Variants in SLC9A4 observed in about 807,000 individuals in gnomAD.
SLC9A4 encodes sodium/hydrogen exchanger 4.
In SLC9A4, 63 loss-of-function variants were observed where a neutral mutation model predicts 67.4. That is an observed-to-expected ratio of 0.93 (90% confidence interval 0.76 to 1.15). SLC9A4 has a LOEUF of 1.15. Ranked by LOEUF, SLC9A4 falls within the 50% of genes most tolerant of loss-of-function variation. The pLI, the probability that SLC9A4 is intolerant of heterozygous loss-of-function variation, is 0.00. For synonymous variants in SLC9A4, 393 were observed against 367.2 expected (o/e 1.07, Z -0.80); for missense variants, 1,089 against 987.7 (o/e 1.10, Z -1.38).
chr2:102,503,559 G>T lies in SLC9A4; in HGVS notation c.832G>T (p.Val278Leu), dbSNP rs1279969993. ...ATTCATCGTTGTGGGGCTTGGAGGG[G>T]TATTGTTTGGCATCGTTTTTGGATT... ...ARFIVVGLGG[V>L]LFGIVFGFIS... Residue 278 changes from valine (V) to leucine (L), a missense_variant, in exon 3 of 12, where the codon GTA becomes TTA. Physicochemically the swap from Val to Leu is conservative, Grantham distance 32. Coordinates refer to ENST00000295269, the MANE Select transcript of SLC9A4 (RefSeq NM_001011552.4). The T allele has an allele frequency of 4.3e-6, 7 of 1,613,990 alleles. No individual in the cohort carries two copies. Among genetic ancestry groups the T allele is most frequent in the Non-Finnish European group, 5.1e-6 (6 of 1,180,044 alleles).
intron 3 of SLC9A4, among the ~76,000 whole-genome samples, chr2:102,504,677 T>C (rs957496684): frequency 2.0e-5 from 3 of 152,246 alleles, no homozygotes; most frequent in Non-Finnish European, 2.9e-5. Flanking sequence ...TTAAATGTGA[T>C]AGTGTAAACT....
intron 2 of SLC9A4, among the ~76,000 whole-genome samples, chr2:102,493,697 A>T (rs1158638881): frequency 6.6e-6 from 1 of 151,576 alleles, no homozygotes; most frequent in Non-Finnish European, 1.5e-5. Context: ...TCATCCACTC[A>T]ATTATCCTTT....
In SLC9A4 at chr2:102,513,942, G is replaced by C. The variant is rs543891444; in HGVS notation, c.1560-148G>C. The C allele has an allele frequency of 1.4e-5, 15 of 1,106,780 alleles. No homozygotes were observed. In the Admixed American group the frequency reaches 4.0e-4, roughly 30 times the overall value. The allele number at this position is 1,106,780 out of a possible 1,614,324, so 68.6% of individuals were successfully genotyped here. On this transcript the variant is annotated intron_variant, in intron 7 of 11. Coordinates refer to ENST00000295269, the MANE Select transcript of SLC9A4 (RefSeq NM_001011552.4). ...AATGCTATGAATTTTTTTAAAAAAT[G>C]TGTTCAAATGCTATGAATTCCAGGC...
rs572799472 is a variant in SLC9A4 at position 102,478,327 on chromosome 2, G to A, written c.257-512G>A. 3.9e-5 allele frequency among the ~76,000 whole-genome samples: 6 copies of A among 152,322 alleles called. No homozygotes were observed. In the East Asian group the frequency reaches 9.6e-4, roughly 24 times the overall value. On this transcript the variant is annotated intron_variant, in intron 1 of 11. Coordinates refer to ENST00000295269, the MANE Select transcript of SLC9A4 (RefSeq NM_001011552.4). ...CATGAAGGGTCACTCATGAGAATGC[G>A]ACCTGATTTCCCTCTTCAGTGGCTG...
At chr2:102,483,658 C>T (rs957744108) in intron 2 of SLC9A4, among the ~76,000 whole-genome samples, 14 of 151,762 alleles carry the variant, frequency 9.2e-5, no homozygotes, top group Non-Finnish European at 2.1e-4. Context: ...AACACACATA[C>T]GCTTAATGGT....
Position 102,479,002 on chromosome 2 carries a change from G to A in SLC9A4, c.420G>A (p.Leu140=), listed in dbSNP as rs73944356. The change falls in exon 2 of 12, where the codon CTG becomes CTA. Residue 140 remains leucine, a synonymous_variant. Coordinates refer to ENST00000295269, the MANE Select transcript of SLC9A4 (RefSeq NM_001011552.4). ...YFLYLLPPIV[L]EGGYFMPTRP... is the part of the protein sequence containing the mutation. Reference sequence around the variant, plus strand: ...TGTATCTCCTGCCACCCATCGTTCTGGAGGGCGGCTACTTCATGCCCACCC... The same window carrying A: ...TGTATCTCCTGCCACCCATCGTTCTAGAGGGCGGCTACTTCATGCCCACCC... The A allele has an allele frequency of 6.8e-4, 1,094 of 1,614,194 alleles. 11 individuals carry two copies. The African/African-American group carries it at 0.013, about 19-fold the overall frequency.
rs748771906 is a variant in SLC9A4 at position 102,525,109 on chromosome 2, T to C, written c.1904T>C (p.Leu635Ser). ...KEILIRRQNT[L>S]RESMRKGHSL... ...ATTCTGATCCGCCGCCAGAACACCTTAAGGGAGAGCATGAGGAAAGGTCAC... is the reference window on the plus strand; with the variant it reads ...ATTCTGATCCGCCGCCAGAACACCTCAAGGGAGAGCATGAGGAAAGGTCAC... The change falls in exon 10 of 12, where the codon TTA (leucine) becomes TCA (serine). Residue 635 changes from leucine to serine, a missense_variant. By Grantham distance (145) the Leu-to-Ser change is moderately radical (BLOSUM62 -2). Coordinates refer to ENST00000295269, the MANE Select transcript of SLC9A4 (RefSeq NM_001011552.4). 1.2e-6 allele frequency: 2 copies of C among 1,613,970 alleles called. No homozygotes were observed. The highest frequency in any genetic ancestry group is 1.7e-6 in the Non-Finnish European group (2 of 1,179,944).
rs750462869 is a variant in SLC9A4 at position 102,532,722 on chromosome 2, C to G, written c.*34C>G. 3 of 1,580,062 alleles carry G rather than the reference C, an allele frequency of 1.9e-6. No individual in the cohort carries two copies. Among genetic ancestry groups the G allele is most frequent in the East Asian group, 2.2e-5 (1 of 44,554 alleles). The stretch of plus-strand genomic sequence containing the variant: ...TCCACAAGATTGTTTTGGTGTTTCT[C>G]AAGAGTCTGTCTTCCTATAACTGTG... On this transcript the variant is annotated 3_prime_UTR_variant, in exon 12 of 12. Transcript: ENST00000295269.
chr2:102,474,073 G>A, intron 1 of SLC9A4, 58 bp downstream of exon 1: 3 of 1,565,730 alleles, frequency 1.9e-6, no homozygotes, highest in Non-Finnish European at 2.6e-6. Flanking sequence ...TAGTGAATGT[G>A]AAAATGCCTT....
chr2:102,512,347 A>G (rs1685182141), intron 7 of SLC9A4, 74 bp downstream of exon 7: 3 of 1,534,172 alleles, frequency 2.0e-6, no homozygotes, highest in Non-Finnish European at 2.7e-6. Context: ...AAAATCAGAG[A>G]GAATTCAGGG....
intron 2 of SLC9A4, among the ~76,000 whole-genome samples, chr2:102,499,389 G>T (rs1684876482): frequency 6.6e-6 from 1 of 152,126 alleles, no homozygotes; most frequent in Non-Finnish European, 1.5e-5. Flanking sequence ...GTTTCCCTTT[G>T]CTCTTTTGTT....
rs202140998 is a variant in SLC9A4, at chr2:102,532,695, T to A, written c.*7T>A. 6.2e-7 allele frequency: 1 copy of A among 1,608,288 alleles called. No homozygotes were observed. The highest frequency in any genetic ancestry group is 8.5e-7 in the Non-Finnish European group (1 of 1,176,664). ...TTTGCTCCAAAAAAAATAGTGTTAT[T>A]GTCCACAAGATTGTTTTGGTGTTTC... On this transcript the variant is annotated 3_prime_UTR_variant, in exon 12 of 12. Transcript: ENST00000295269.
Position 102,473,972 on chromosome 2 carries a change from T to C in SLC9A4, c.213T>C (p.Tyr71=), listed in dbSNP as rs1427277401. The change falls in exon 1 of 12, where the codon TAT becomes TAC. Residue 71 remains tyrosine (Y), a synonymous_variant. Coordinates refer to ENST00000295269, the MANE Select transcript of SLC9A4 (RefSeq NM_001011552.4). ...ATTATGACTATGTGCAAATTCCTTA[T>C]GAGGTCACTCTCTGGATACTTCTAG... ...ELDYDYVQIP[Y]EVTLWILLAS... 1 of 1,613,956 alleles carries C rather than the reference T, an allele frequency of 6.2e-7. No homozygotes were observed. Among genetic ancestry groups the C allele is most frequent in the African/African-American group, 1.3e-5 (1 of 74,934 alleles).
chr2:102,486,989 T>C (rs892640340), intron 2 of SLC9A4, among the ~76,000 whole-genome samples: 17 of 152,142 alleles, frequency 1.1e-4, no homozygotes, highest in Non-Finnish European at 1.0e-4. Context: ...CCCTGCAAAG[T>C]CTCAGCAAGT....
intron 1 of SLC9A4, among the ~76,000 whole-genome samples, chr2:102,474,667 C>T (rs1436415902): frequency 6.6e-6 from 1 of 152,204 alleles, no homozygotes; most frequent in Non-Finnish European, 1.5e-5. Flanking sequence ...AAATTCCAAT[C>T]AAGGGATCTT....
intron 2 of SLC9A4, among the ~76,000 whole-genome samples, chr2:102,498,752 AT>A (rs1241026899): frequency 6.6e-6 from 1 of 152,056 alleles, no homozygotes; most frequent in Non-Finnish European, 1.5e-5. Context: ...CATATGTCAC[AT>A]TTTTTTTCAA....
intron 2 of SLC9A4, 31 bp downstream of exon 2, chr2:102,479,333 G>GGGGAGAT (rs1558658656): frequency 6.4e-7 from 1 of 1,568,480 alleles, no homozygotes; most frequent in South Asian, 1.2e-5. Context: ...CCGGCTTCCG[G>GGGGAGAT]GGGAGATGAG....
chr2:102,516,038 A>T (rs1271410508), intron 8 of SLC9A4, among the ~76,000 whole-genome samples: 1 of 152,206 alleles, frequency 6.6e-6, no homozygotes, highest in Non-Finnish European at 1.5e-5. Context: ...TGGTTTCGGA[A>T]GGTATGGGTG....
rs374639037 is a variant in SLC9A4, at chr2:102,510,347, G to A, written c.1488+1414G>A. ...TTGTAAGGAATTGTTTTTCACTAGT[G>A]TTAGGGCTGGCTAGGAAAGCCCAAA... On this transcript the variant is annotated intron_variant, in intron 6 of 11. Coordinates refer to ENST00000295269, the MANE Select transcript of SLC9A4 (RefSeq NM_001011552.4). 7.6e-4 allele frequency among the ~76,000 whole-genome samples: 113 copies of A among 149,430 alleles called. No homozygotes were observed. In the South Asian group the frequency reaches 0.023, roughly 30 times the overall value.
Sources: gnomAD v4.1 joint callset for allele counts (sites outside exome capture counted in the v4.1 genomes callset) on GRCh38, gnomAD v4.1.1 for gene constraint, MANE v1.5 for transcripts, NCBI Gene and HGNC (gene_info 2026-07-23, HGNC 2026-07-21) for gene names.